The following MYOF variants were observed in gnomAD, a reference collection of about 807,000 sequenced individuals.
The protein encoded by MYOF is fer-1-like 3, myoferlin.
Under a neutral mutation model 284.2 loss-of-function variants are expected in MYOF, and 244 were observed. The ratio of observed to expected loss-of-function variants is 0.86; its 90% CI spans 0.77 to 0.95. The LOEUF (loss-of-function observed/expected upper bound fraction) is 0.95. MYOF is among the 40% of genes least tolerant of loss of function. MYOF has a pLI of 0.00. For synonymous variants in MYOF, 904 were observed against 919.7 expected (o/e 0.98, Z 0.31); for missense variants, 2,496 against 2,560.6 (o/e 0.97, Z 0.54).
intron 1 of MYOF, among the ~76,000 whole-genome samples, chr10:93,469,278 G>C (rs2057083184): frequency 6.6e-6 from 1 of 152,114 alleles, no homozygotes; most frequent in African/African-American, 2.4e-5. Context: ...GTGCACTCCT[G>C]TAGTCCCAGC....
At chr10:93,412,912 C>T (rs932577138) in intron 5 of MYOF, among the ~76,000 whole-genome samples, 4 of 152,120 alleles carry the variant, frequency 2.6e-5, no homozygotes, top group South Asian at 2.1e-4. Context: ...CGCTTCCCCT[C>T]GGTAAACCTG....
intron 5 of MYOF, among the ~76,000 whole-genome samples, chr10:93,410,385 C>T (rs755910462): frequency 5.3e-5 from 8 of 152,128 alleles, no homozygotes; most frequent in Admixed American, 2.0e-4. Flanking sequence ...CCCTGCTCAG[C>T]AGAGTGAAAA....
At chr10:93,344,364 C>G (rs1339439881) in intron 37 of MYOF, among the ~76,000 whole-genome samples, 1 of 152,066 alleles carries the variant, frequency 6.6e-6, no homozygotes, top group African/African-American at 2.4e-5. Context: ...CACCTGTCAC[C>G]TGAGTAGTGT....
chr10:93,446,192 C>T (rs1414974521), intron 3 of MYOF, among the ~76,000 whole-genome samples: 1 of 151,438 alleles, frequency 6.6e-6, no homozygotes, highest in Non-Finnish European at 1.5e-5. Context: ...ACAGAGCTGA[C>T]GCAGGGTCGG....
At chr10:93,472,638 C>CAAAACA (rs533885842) in intron 1 of MYOF, among the ~76,000 whole-genome samples, 116 of 151,846 alleles carry the variant, frequency 7.6e-4, no homozygotes, top group East Asian at 2.9e-3. Flanking sequence ...CACTCCATCT[C>CAAAACA]AAAACAAAAA....
chr10:93,347,561 A>AGG (rs1844261600), intron 37 of MYOF, 56 bp downstream of exon 37: 1 of 1,254,432 alleles, frequency 8.0e-7, no homozygotes, highest in African/African-American at 1.8e-5. Context: ...TCCGTCTCAA[A>AGG]AAAAAAAAAA....
chr10:93,313,569 G>T (rs777890890), intron 50 of MYOF, among the ~76,000 whole-genome samples: 4 of 152,168 alleles, frequency 2.6e-5, no homozygotes, highest in African/African-American at 4.8e-5. Context: ...TGAGCAGAGA[G>T]GTCATTTGGC....
At chr10:93,315,280 C>G (rs953682690) in intron 50 of MYOF, among the ~76,000 whole-genome samples, 2 of 152,108 alleles carry the variant, frequency 1.3e-5, no homozygotes, top group African/African-American at 4.8e-5. Context: ...ACAGGGAGAC[C>G]AGTCAGGGGC....
intron 1 of MYOF, among the ~76,000 whole-genome samples, chr10:93,472,359 A>T (rs1175223955): frequency 6.6e-6 from 1 of 152,154 alleles, no homozygotes; most frequent in Non-Finnish European, 1.5e-5. Flanking sequence ...ACAGTAGGCC[A>T]TTTCCTCAGG....
intron 1 of MYOF, among the ~76,000 whole-genome samples, chr10:93,465,400 G>A (rs17482340): frequency 0.19 from 29,287 of 152,108 alleles, 3,353 homozygotes; most frequent in Middle Eastern, 0.27. Flanking sequence ...TGATTACTAG[G>A]CGGCTTTAAT....
chr10:93,426,859 C>T (rs369494729), intron 4 of MYOF, among the ~76,000 whole-genome samples: 5 of 150,740 alleles, frequency 3.3e-5, no homozygotes, highest in East Asian at 2.0e-4. Context: ...CACTCACTCC[C>T]GCCTAGGCAA....
At chr10:93,347,565 A>AAAAAAAAAAAAAAG in intron 37 of MYOF, 52 bp downstream of exon 37, 2 of 1,435,180 alleles carry the variant, frequency 1.4e-6, no homozygotes, top group African/African-American at 3.0e-5. Context: ...TCTCAAAAAA[A>AAAAAAAAAAAAAAG]AAAAAAAAAA....
intron 5 of MYOF, among the ~76,000 whole-genome samples, chr10:93,421,140 C>T (rs962511382): frequency 1.3e-5 from 2 of 152,056 alleles, no homozygotes; most frequent in Non-Finnish European, 2.9e-5. Context: ...TTGTTTGAAC[C>T]GGGGAGGTGG....
chr10:93,330,793 CT>C (rs1259056615), intron 43 of MYOF, among the ~76,000 whole-genome samples: 1 of 152,194 alleles, frequency 6.6e-6, no homozygotes, highest in Non-Finnish European at 1.5e-5. Flanking sequence ...TCCTTGCACT[CT>C]GGTGTGTGGA....
intron 50 of MYOF, among the ~76,000 whole-genome samples, chr10:93,314,337 C>T (rs1490391433): frequency 6.6e-6 from 1 of 152,226 alleles, no homozygotes; most frequent in Admixed American, 6.5e-5. Flanking sequence ...GATCCACCCA[C>T]CTTGGCCTCC....
In MYOF at chr10:93,381,206, G is replaced by A; in HGVS notation, c.1876+13C>T. 6.2e-7 allele frequency: 1 copy of A among 1,613,958 alleles called. No individual in the cohort carries two copies. On this transcript the variant is annotated intron_variant, in intron 20 of 53. Coordinates refer to ENST00000359263, the MANE Select transcript of MYOF (RefSeq NM_013451.4). ...TGTAAACGTGTGGAGAGAACTGTTA[G>A]TGCCAATCTTACCATCAAATACAGC...
At chr10:93,319,786 T>C (rs1842774043) in intron 49 of MYOF, 86 bp downstream of exon 49, 2 of 1,569,160 alleles carry the variant, frequency 1.3e-6, no homozygotes, top group African/African-American at 2.7e-5. Context: ...ACCTCCGAGA[T>C]CCTGAGCAGC....
Position 93,401,420 on chromosome 10 carries a change from TG to T in MYOF, c.1114del (p.Gln372ArgfsTer10), listed in dbSNP as rs1159293223. On this transcript the variant is annotated frameshift_variant, in exon 12 of 54. Transcript: ENST00000359263. LOFTEE classifies it high-confidence loss of function. The stretch of plus-strand genomic sequence containing the variant: ...GGCAAGATTAAATCAGTACATACTC[TG>T]GGGGATGTCCTCAGCTCGGTAGATT... ...LKIYRAEDIP[Q>X]MDDAFSQTVK... The T allele has an allele frequency of 6.2e-7, 1 of 1,613,980 alleles. No individual in the cohort carries two copies. The highest frequency in any genetic ancestry group is 2.2e-5 in the East Asian group (1 of 44,888).
chr10:93,376,911 A>G (rs1845863291), intron 22 of MYOF, among the ~76,000 whole-genome samples: 1 of 152,164 alleles, frequency 6.6e-6, no homozygotes, highest in Admixed American at 6.6e-5. Context: ...AATTAGAGAT[A>G]TTGTTCTGAA....
Sources: allele counts gnomAD v4.1 joint callset (sites outside exome capture counted in the v4.1 genomes callset), GRCh38; gene constraint gnomAD v4.1.1; transcripts MANE v1.5; gene names NCBI Gene and HGNC (gene_info 2026-07-23, HGNC 2026-07-21).